Variants in VPS37A observed in about 807,000 individuals in gnomAD.
The protein encoded by VPS37A is VPS37A subunit of ESCRT-I.
A neutral mutation model predicts 49.8 loss-of-function variants in VPS37A; 30 were observed. That is an observed-to-expected ratio of 0.60 (90% CI 0.45 to 0.82). The LOEUF (loss-of-function observed/expected upper bound fraction) is 0.82, where lower values mean the gene tolerates loss of function less well. VPS37A is among the 40% of genes least tolerant of loss of function. The pLI is 0.00. For synonymous variants in VPS37A, 195 were observed against 160.6 expected, an observed-to-expected ratio of 1.21 and a Z score of -1.62; for missense variants, 593 against 464.4, an observed-to-expected ratio of 1.28 and a Z score of -2.55.
intron 1 of VPS37A, among the ~76,000 whole-genome samples, chr8:17,262,143 C>T (rs995946103): frequency 6.6e-5 from 10 of 151,894 alleles, no homozygotes; most frequent in East Asian, 1.9e-4. Flanking sequence ...TATGGAAGTC[C>T]GATTCTCTTA....
the VPS37A span, among the ~76,000 whole-genome samples, chr8:17,325,427 A>G: frequency 2.0e-5 from 3 of 152,214 alleles, no homozygotes; most frequent in Non-Finnish European, 4.4e-5. Flanking sequence ...ACTTTGCCAC[A>G]AAACATTCTC....
At chr8:17,300,204 C>G (rs778066206), downstream of VPS37A, 1 of 1,603,602 alleles carries the variant, frequency 6.2e-7, no homozygotes, top group Non-Finnish European at 8.5e-7. Flanking sequence ...TTAACTGGAC[C>G]TTTTGAATTT....
At chr8:17,304,373 A>C (rs1335859306), downstream of VPS37A, 1 of 1,609,938 alleles carries the variant, frequency 6.2e-7, no homozygotes, top group Admixed American at 1.7e-5. Flanking sequence ...CCAAGGATTT[A>C]CATACTTGTA....
chr8:17,271,142 G>C (rs1813947749), intron 4 of VPS37A, among the ~76,000 whole-genome samples: 1 of 152,098 alleles, frequency 6.6e-6, no homozygotes, highest in Non-Finnish European at 1.5e-5. Flanking sequence ...TCGTTTCTTG[G>C]TTCTGCCTTC....
chr8:17,331,224 G>A, the VPS37A span: 1 of 1,612,392 alleles, frequency 6.2e-7, no homozygotes, highest in Non-Finnish European at 8.5e-7. Flanking sequence ...CTTGATATTG[G>A]AATAATTGTC....
At chr8:17,258,423 T>A (rs769865500) in intron 1 of VPS37A, among the ~76,000 whole-genome samples, 1 of 152,238 alleles carries the variant, frequency 6.6e-6, no homozygotes, top group Non-Finnish European at 1.5e-5. Flanking sequence ...TTGGTTCTCT[T>A]AATGGATATA....
chr8:17,272,165 A>G (rs1362964834), intron 4 of VPS37A: 4 of 444,474 alleles, frequency 9.0e-6, no homozygotes, highest in Non-Finnish European at 1.8e-5. Context: ...AAGGCCCACC[A>G]GGCTCCTCCT....
intron 11 of VPS37A, among the ~76,000 whole-genome samples, chr8:17,287,502 GTC>G (rs1563287680): frequency 6.6e-6 from 1 of 151,816 alleles, no homozygotes; most frequent in Non-Finnish European, 1.5e-5. Flanking sequence ...GTGAAACCCC[GTC>G]TCTACTAAAA....
intron 11 of VPS37A, among the ~76,000 whole-genome samples, chr8:17,288,349 C>A (rs1815813899): frequency 6.6e-6 from 1 of 152,132 alleles, no homozygotes; most frequent in Admixed American, 6.5e-5. Flanking sequence ...TTAGGTGTTT[C>A]TTCTAATGCT....
At chr8:17,294,011 C>T (rs1319557354) in intron 11 of VPS37A, among the ~76,000 whole-genome samples, 1 of 152,164 alleles carries the variant, frequency 6.6e-6, no homozygotes, top group Non-Finnish European at 1.5e-5. Flanking sequence ...TCTTCAGAGC[C>T]GGCAGGCAGG....
chr8:17,304,700 C>A (rs1184358715), downstream of VPS37A, among the ~76,000 whole-genome samples: 1 of 149,294 alleles, frequency 6.7e-6, no homozygotes, highest in African/African-American at 2.5e-5. Flanking sequence ...CTGTAATAAT[C>A]TCAACTTCAC....
downstream of VPS37A, chr8:17,299,971 G>A (rs779089411): frequency 1.2e-6 from 2 of 1,614,090 alleles, no homozygotes; most frequent in Non-Finnish European, 1.7e-6. Context: ...CTCCACCCCG[G>A]ACTCTTGGTC....
intron 6 of VPS37A, among the ~76,000 whole-genome samples, 189 bp downstream of exon 6, chr8:17,276,656 C>T (rs1417313454): frequency 6.6e-6 from 1 of 152,132 alleles, no homozygotes; most frequent in Non-Finnish European, 1.5e-5. Context: ...GTGACTGGTA[C>T]ATACTCAGGG....
At chr8:17,298,911 A>ATGAT (rs1408959863), downstream of VPS37A, 18 of 152,322 alleles carry the variant, frequency 1.2e-4, no homozygotes, top group East Asian at 1.2e-3. Flanking sequence ...AATTTCTAAA[A>ATGAT]TGATAGATTA....
At chr8:17,263,056 T>C (rs1813106519) in intron 1 of VPS37A, among the ~76,000 whole-genome samples, 1 of 121,438 alleles carries the variant, frequency 8.2e-6, no homozygotes, top group South Asian at 2.7e-4. Flanking sequence ...TGAAACCCCA[T>C]CTCAAAAAAA....
intron 1 of VPS37A, among the ~76,000 whole-genome samples, chr8:17,252,823 C>A (rs1812096932): frequency 1.3e-5 from 2 of 152,200 alleles, no homozygotes; most frequent in Admixed American, 1.3e-4. Context: ...AAAAATTCTA[C>A]AAGCATCTGT....
At chr8:17,310,477 T>C in the VPS37A span, among the ~76,000 whole-genome samples, 1 of 152,162 alleles carries the variant, frequency 6.6e-6, no homozygotes, top group African/African-American at 2.4e-5. Flanking sequence ...TGAGAACAAG[T>C]TGATGATGGA....
intron 1 of VPS37A, among the ~76,000 whole-genome samples, chr8:17,262,475 G>A (rs1176953367): frequency 3.3e-5 from 5 of 151,992 alleles, no homozygotes; most frequent in African/African-American, 1.2e-4. Context: ...TAAAACCATA[G>A]TAATTCTCTT....
downstream of VPS37A, chr8:17,305,681 T>G (rs890069618): frequency 7.5e-7 from 1 of 1,334,758 alleles, no homozygotes; most frequent in Admixed American, 2.0e-5. Flanking sequence ...TTCAAAATTA[T>G]GAAAGGCCAC....
Sources: allele counts gnomAD v4.1 joint callset (sites outside exome capture counted in the v4.1 genomes callset), GRCh38; gene constraint gnomAD v4.1.1; transcripts MANE v1.5; gene names NCBI Gene and HGNC (gene_info 2026-07-23, HGNC 2026-07-21).